DTNB: variants seen among roughly 807,000 people sequenced by gnomAD.
The protein encoded by DTNB is DTN-B.
In DTNB, 63 loss-of-function variants were observed where a neutral mutation model predicts 90.7. That is an observed-to-expected ratio of 0.69 (90% CI 0.57 to 0.86). DTNB has a LOEUF of 0.86. DTNB is among the 40% of genes least tolerant of loss of function. The pLI, the probability that DTNB is intolerant of heterozygous loss-of-function variation, is 0.00. For synonymous variants in DTNB, 277 were observed against 286.7 expected (o/e 0.97, Z 0.34); for missense variants, 744 against 807.1 (o/e 0.92, Z 0.95).
intron 4 of DTNB, among the ~76,000 whole-genome samples, chr2:25,607,621 A>C (rs970827733): frequency 1.3e-5 from 2 of 152,216 alleles, no homozygotes; most frequent in African/African-American, 4.8e-5. Flanking sequence ...TTTCCTATTA[A>C]TTAAACCCAT....
intron 10 of DTNB, among the ~76,000 whole-genome samples, 191 bp downstream of exon 10, chr2:25,482,605 G>A (rs1285970546): frequency 6.6e-6 from 1 of 152,024 alleles, no homozygotes. Context: ...TGCTATATTT[G>A]TGAGTCGGTG....
At chr2:25,568,248 C>T (rs1320270293) in intron 8 of DTNB, among the ~76,000 whole-genome samples, 1 of 151,868 alleles carries the variant, frequency 6.6e-6, no homozygotes, top group Non-Finnish European at 1.5e-5. Flanking sequence ...TGGTGATGGC[C>T]GCACAACAAT....
At chr2:25,479,696 T>C (rs2064516504) in intron 10 of DTNB, among the ~76,000 whole-genome samples, 2 of 152,232 alleles carry the variant, frequency 1.3e-5, no homozygotes, top group African/African-American at 4.8e-5. Context: ...CATCTTTTAT[T>C]TGGACTAACA....
chr2:25,468,582 C>T (rs1041874700), intron 10 of DTNB, among the ~76,000 whole-genome samples: 9 of 152,182 alleles, frequency 5.9e-5, no homozygotes, highest in African/African-American at 1.9e-4. Context: ...GGGGTCAACA[C>T]GAGTTTATAA....
chr2:25,622,243 G>T lies in DTNB; in HGVS notation c.362+5928C>A, dbSNP rs568710200. On this transcript the variant is annotated intron_variant, in intron 4 of 20. Transcript: ENST00000406818. Reference sequence around the variant, plus strand: ...GGCTGTATTCAATCCCAGCACTTTGGGAGGCCAAGTCGGGTGGATCACTTG... The same window carrying T: ...GGCTGTATTCAATCCCAGCACTTTGTGAGGCCAAGTCGGGTGGATCACTTG... Among the ~76,000 whole-genome samples the T allele has an allele frequency of 2.6e-5, 4 of 152,320 alleles. No individual in the cohort carries two copies. In the East Asian group the frequency reaches 7.7e-4, roughly 29 times the overall value.
intron 4 of DTNB, among the ~76,000 whole-genome samples, chr2:25,616,139 G>GA (rs1299059067): frequency 6.6e-6 from 1 of 152,154 alleles, no homozygotes; most frequent in African/African-American, 2.4e-5. Flanking sequence ...CCTTGCTGCA[G>GA]AAAAGAAACT....
intron 9 of DTNB, among the ~76,000 whole-genome samples, chr2:25,488,937 C>T (rs984425480): frequency 3.3e-5 from 5 of 152,230 alleles, no homozygotes; most frequent in African/African-American, 1.2e-4. Context: ...AGGCGTGAGC[C>T]ACCAAGTCTG....
chr2:25,667,355 G>A lies in DTNB; in HGVS notation c.-2+6031C>T, dbSNP rs57696996. ...AATACAAAAATTAGCCAGGCGTGGTGGCGGGTGCCTATAATCCCAGCTACT... is the reference window on the plus strand; with the variant it reads ...AATACAAAAATTAGCCAGGCGTGGTAGCGGGTGCCTATAATCCCAGCTACT... On this transcript the variant is annotated intron_variant, in intron 1 of 20. Coordinates refer to ENST00000406818, the MANE Select transcript of DTNB (RefSeq NM_021907.5). Among the ~76,000 whole-genome samples the A allele has an allele frequency of 5.5e-4, 83 of 152,126 alleles. 1 individual carries two copies. The highest frequency in any genetic ancestry group is 2.0e-3 in the African/African-American group (81 of 41,520).
intron 12 of DTNB, among the ~76,000 whole-genome samples, chr2:25,439,880 C>T (rs1275463896): frequency 6.6e-6 from 1 of 152,194 alleles, no homozygotes; most frequent in Non-Finnish European, 1.5e-5. Context: ...TTATTATACA[C>T]CTCTTATGTG....
chr2:25,494,038 T>G (rs1305613823), intron 9 of DTNB, among the ~76,000 whole-genome samples: 7 of 152,234 alleles, frequency 4.6e-5, no homozygotes, highest in Non-Finnish European at 1.0e-4. Context: ...GGATTTGCTG[T>G]GTATTTTGCA....
At chr2:25,568,378 C>T (rs1215764380) in intron 8 of DTNB, among the ~76,000 whole-genome samples, 1 of 151,784 alleles carries the variant, frequency 6.6e-6, no homozygotes, top group Non-Finnish European at 1.5e-5. Context: ...AGGAAGTACG[C>T]AGGCATGGAG....
chr2:25,552,841 A>ATTTTTTTTTTT (rs544243784), intron 8 of DTNB, among the ~76,000 whole-genome samples: 9 of 86,030 alleles, frequency 1.0e-4, no homozygotes, highest in Middle Eastern at 9.3e-3. Flanking sequence ...TCTCTTTTTG[A>ATTTTTTTTTTT]TTTTTTTTTT....
At chr2:25,500,708 G>C (rs2070384833) in intron 9 of DTNB, among the ~76,000 whole-genome samples, 1 of 152,000 alleles carries the variant, frequency 6.6e-6, no homozygotes, top group Admixed American at 6.6e-5. Flanking sequence ...AGCACATGCG[G>C]AGAGCTCACC....
At chr2:25,652,864 A>G in intron 1 of DTNB, 1 of 494,000 alleles carries the variant, frequency 2.0e-6, no homozygotes, top group Non-Finnish European at 3.5e-6. Flanking sequence ...ATATTAGTAA[A>G]TCAATACTTG....
intron 9 of DTNB, among the ~76,000 whole-genome samples, chr2:25,523,840 C>T (rs796906585): frequency 2.6e-5 from 4 of 151,620 alleles, no homozygotes; most frequent in South Asian, 2.1e-4. Context: ...GATTCTTAGG[C>T]CACTTCCAGA....
At chr2:25,385,666 C>G (rs916333355) in intron 18 of DTNB, among the ~76,000 whole-genome samples, 2 of 152,196 alleles carry the variant, frequency 1.3e-5, no homozygotes. Context: ...TAAGCACAGG[C>G]TACATCTCTA....
chr2:25,427,354 T>C, intron 15 of DTNB, 181 bp downstream of exon 15: 1 of 515,236 alleles, frequency 1.9e-6, no homozygotes, highest in Middle Eastern at 5.0e-4. Flanking sequence ...TTTTTAATAA[T>C]CTGGCTTTGC....
intron 8 of DTNB, among the ~76,000 whole-genome samples, chr2:25,562,782 C>CT (rs35675787): frequency 5.0e-4 from 76 of 151,452 alleles, no homozygotes; most frequent in African/African-American, 1.8e-3. Context: ...ACTTTTTTTT[C>CT]TTTTTTTTGA....
chr2:25,656,729 A>C (rs2082136935), intron 1 of DTNB, among the ~76,000 whole-genome samples: 1 of 152,232 alleles, frequency 6.6e-6, no homozygotes, highest in Admixed American at 6.5e-5. Context: ...AGAGAAATCC[A>C]GTAGGCACGT....
Sources: allele counts gnomAD v4.1 joint callset (sites outside exome capture counted in the v4.1 genomes callset), GRCh38; gene constraint gnomAD v4.1.1; transcripts MANE v1.5; gene names NCBI Gene and HGNC (gene_info 2026-07-23, HGNC 2026-07-21).